ANK3: variants seen among roughly 807,000 people sequenced by gnomAD.
The protein encoded by ANK3 is ankyrin 3.
ANK3 carries 57 observed loss-of-function variants against 370.9 expected under a neutral mutation model. The ratio of observed to expected loss-of-function variants is 0.15; its 90% CI spans 0.12 to 0.19. The LOEUF (loss-of-function observed/expected upper bound fraction) is 0.19, where lower values mean the gene tolerates loss of function less well. Among genes scored for constraint, ANK3 ranks in the 10% least tolerant of loss-of-function variants. ANK3 has a pLI of 1.00. For synonymous variants in ANK3, 1,929 were observed against 1,946.3 expected (o/e 0.99, Z 0.23); for missense variants, 4,439 against 5,302.1 (o/e 0.84, Z 5.06).
At chr10:60,642,621 G>A (rs1156594488) in intron 1 of ANK3, among the ~76,000 whole-genome samples, 1 of 114,932 alleles carries the variant, frequency 8.7e-6, no homozygotes. Context: ...ATCACACTCT[G>A]AGGACTGTTG....
intron 1 of ANK3, among the ~76,000 whole-genome samples, chr10:60,630,827 C>A (rs559617621): frequency 6.6e-6 from 1 of 152,058 alleles, no homozygotes; most frequent in Non-Finnish European, 1.5e-5. Context: ...AAAGCTGGAC[C>A]CTGTTTTTAT....
chr10:60,247,605 G>A (rs1279452934), intron 7 of ANK3, among the ~76,000 whole-genome samples: 4 of 152,080 alleles, frequency 2.6e-5, no homozygotes, highest in African/African-American at 9.7e-5. Context: ...CCTGTGTTAA[G>A]TGCAATCATA....
chr10:60,366,971 T>G (rs1211274429), intron 1 of ANK3, among the ~76,000 whole-genome samples: 2 of 152,228 alleles, frequency 1.3e-5, no homozygotes, highest in African/African-American at 2.4e-5. Context: ...ATTTACCTAA[T>G]TATAGTACTG....
At chr10:60,636,585 C>T (rs1588952137) in intron 1 of ANK3, among the ~76,000 whole-genome samples, 1 of 152,282 alleles carries the variant, frequency 6.6e-6, no homozygotes, top group East Asian at 1.9e-4. Context: ...GACAGAACAT[C>T]CATCCAGGAA....
At chr10:60,284,641 G>A (rs2098217844) in intron 1 of ANK3, among the ~76,000 whole-genome samples, 1 of 151,820 alleles carries the variant, frequency 6.6e-6, no homozygotes, top group African/African-American at 2.4e-5. Flanking sequence ...ACTATTTTAG[G>A]CACCTTCAGG....
rs11815168 is a variant in ANK3 at position 60,072,373 on chromosome 10, A to G, written c.8508T>C (p.His2836=). 6.1e-3 allele frequency: 9,846 copies of G among 1,613,978 alleles called. 48 individuals are homozygous for G. The highest frequency in any genetic ancestry group is 0.011 in the Middle Eastern group (65 of 6,056). ...SEQQAKDLAC[H]ITSDLATRGP... is the part of the protein sequence containing the mutation. ...CCCTAGTTGCTAAATCTGAGGTTAT[A>G]TGACATGCCAAGTCTTTAGCCTGCT... Residue 2836 remains histidine, a synonymous_variant, in exon 37 of 44, where the codon CAT becomes CAC. Coordinates refer to ENST00000280772, the MANE Select transcript of ANK3 (RefSeq NM_020987.5).
At chr10:60,097,730 T>C (rs1038380710) in intron 28 of ANK3, among the ~76,000 whole-genome samples, 3 of 152,142 alleles carry the variant, frequency 2.0e-5, no homozygotes, top group Non-Finnish European at 4.4e-5. Context: ...CTCGATCACT[T>C]CGTTAAATGG....
chr10:60,144,704 G>A (rs1009251136), intron 23 of ANK3, among the ~76,000 whole-genome samples: 4 of 152,088 alleles, frequency 2.6e-5, no homozygotes, highest in Non-Finnish European at 5.9e-5. Context: ...ATACAAAATA[G>A]AAACAGGAAC....
intron 1 of ANK3, among the ~76,000 whole-genome samples, chr10:60,359,471 C>T (rs183205263): frequency 2.0e-5 from 3 of 152,302 alleles, no homozygotes; most frequent in Admixed American, 2.0e-4. Context: ...AAATTAACTA[C>T]TATTATTTAC....
chr10:60,153,799 CT>C (rs1352158132), intron 23 of ANK3, among the ~76,000 whole-genome samples: 1 of 152,134 alleles, frequency 6.6e-6, no homozygotes, highest in Non-Finnish European at 1.5e-5. Context: ...TGCAGATATG[CT>C]TTGGGAGAGT....
intron 1 of ANK3, among the ~76,000 whole-genome samples, chr10:60,339,594 G>T (rs999919133): frequency 6.6e-6 from 1 of 152,160 alleles, no homozygotes. Context: ...TTTTCAGTAA[G>T]GAGCAGAATA....
At position 60,213,457 on chromosome 10, in the gene ANK3, T is replaced by C; in HGVS notation, c.951A>G (p.Val317=). The C allele has an allele frequency of 6.2e-7, 1 of 1,612,766 alleles. No individual in the cohort carries two copies. The highest frequency in any genetic ancestry group is 1.1e-5 in the South Asian group (1 of 90,852). The change falls in exon 9 of 44, where the codon GTA becomes GTG. Residue 317 remains valine, a synonymous_variant. Coordinates refer to ENST00000280772, the MANE Select transcript of ANK3 (RefSeq NM_020987.5). ...CGARSGHEQV[V]EMLLDRAAPI... Reference sequence around the variant, plus strand: ...GGGCAGCTCGATCAAGCAACATTTCTACCACCTGCTCGTGGCCACTCCTTG... The same window carrying C: ...GGGCAGCTCGATCAAGCAACATTTCCACCACCTGCTCGTGGCCACTCCTTG...
At chr10:60,368,806 ACTC>A (rs2059736251) in intron 1 of ANK3, among the ~76,000 whole-genome samples, 1 of 152,090 alleles carries the variant, frequency 6.6e-6, no homozygotes, top group Non-Finnish European at 1.5e-5. Context: ...GGAGAAAAAA[ACTC>A]CTCAGATAAA....
intron 1 of ANK3, among the ~76,000 whole-genome samples, chr10:60,708,876 A>C (rs567484936): frequency 3.5e-4 from 53 of 152,318 alleles, no homozygotes; most frequent in African/African-American, 1.3e-3. Flanking sequence ...CTTATTTAAG[A>C]AAGAGTCTCT....
At chr10:60,481,514 G>A (rs1361086469) in intron 2 of ANK3, among the ~76,000 whole-genome samples, 1 of 152,172 alleles carries the variant, frequency 6.6e-6, no homozygotes, top group African/African-American at 2.4e-5. Flanking sequence ...CCAAGCTGGA[G>A]TGCAGTGATG....
chr10:60,388,736 T>C (rs1186038681), intron 1 of ANK3, among the ~76,000 whole-genome samples: 3 of 152,184 alleles, frequency 2.0e-5, no homozygotes, highest in East Asian at 3.9e-4. Context: ...GTGTTGAAGG[T>C]TGCAGGTTAC....
chr10:60,364,933 A>AT (rs926040889), intron 1 of ANK3, among the ~76,000 whole-genome samples: 6 of 150,488 alleles, frequency 4.0e-5, no homozygotes, highest in South Asian at 2.1e-4. Context: ...CCTTTTGTGG[A>AT]TTTTTTTTTG....
rs185996732 is a variant in ANK3, at chr10:60,433,612, C to T, written c.97-153973G>A. 3.6e-4 allele frequency among the ~76,000 whole-genome samples: 54 copies of T among 151,434 alleles called. 1 individual carries two copies. Among genetic ancestry groups the T allele is most frequent in the African/African-American group, 9.5e-4 (39 of 41,222 alleles). On this transcript the variant is annotated intron_variant, in intron 2 of 43. Transcript: ENST00000373827. The stretch of plus-strand genomic sequence containing the variant: ...GAGTGAGACTCTGTCTCAAAAAGAA[C>T]GAAAGAAAAAGAAAAAACAAATGTT...
chr10:60,716,884 A>T (rs986598680), intron 1 of ANK3, among the ~76,000 whole-genome samples: 21 of 152,180 alleles, frequency 1.4e-4, no homozygotes, highest in African/African-American at 4.3e-4. Context: ...TTAGTAATAG[A>T]TTACACAATT....
Sources: gnomAD v4.1 joint callset for allele counts (sites outside exome capture counted in the v4.1 genomes callset) on GRCh38, gnomAD v4.1.1 for gene constraint, MANE v1.5 for transcripts, NCBI Gene and HGNC (gene_info 2026-07-23, HGNC 2026-07-21) for gene names.